PRDM2: variants seen among roughly 807,000 people sequenced by gnomAD.
PRDM2 encodes the protein PR/SET domain 2.
PRDM2 carries 30 observed loss-of-function variants against 130.0 expected under a neutral mutation model. That is an observed-to-expected ratio of 0.23 (90% CI 0.17 to 0.31). The LOEUF (loss-of-function observed/expected upper bound fraction) is 0.31. Ranked by LOEUF, PRDM2 falls within the 10% of genes least tolerant of loss-of-function variation. The pLI is 1.00. For synonymous variants in PRDM2, 871 were observed against 782.4 expected (o/e 1.11, Z -1.89); for missense variants, 2,011 against 2,108.4 (o/e 0.95, Z 0.90).
intron 8 of PRDM2, among the ~76,000 whole-genome samples, chr1:13,791,114 G>GTT (rs3215495): frequency 1.4e-5 from 2 of 145,624 alleles, no homozygotes; most frequent in South Asian, 2.2e-4. Context: ...TATAGGTAGG[G>GTT]TTTTTTTTTT....
Position 13,749,345 on chromosome 1 carries a change from T to C in PRDM2, c.385-16T>C. The C allele has an allele frequency of 6.8e-7, 1 of 1,472,516 alleles. No homozygotes were observed. The allele number at this position is 1,472,516 out of a possible 1,614,324, so 91.2% of individuals were successfully genotyped here. On this transcript the variant is annotated splice_polypyrimidine_tract_variant and intron_variant, in intron 5 of 9. Coordinates refer to ENST00000311066, the MANE Select transcript of PRDM2 (RefSeq NM_001393986.1). Reference sequence around the variant, plus strand: ...CGCTCTGATTGGCCCGGCGCTTGTCTCTTCTCTCCCCGCAGCCAATCGCGC... The same window carrying C: ...CGCTCTGATTGGCCCGGCGCTTGTCCCTTCTCTCCCCGCAGCCAATCGCGC...
At chr1:13,728,349 T>C (rs1388922788) in intron 2 of PRDM2, among the ~76,000 whole-genome samples, 1 of 152,206 alleles carries the variant, frequency 6.6e-6, no homozygotes, top group Non-Finnish European at 1.5e-5. Flanking sequence ...TGGTAAGAGC[T>C]GTGAAGGAGA....
At chr1:13,778,313 A>C in intron 7 of PRDM2, 105 bp from the exon 8 acceptor site, 1 of 1,164,458 alleles carries the variant, frequency 8.6e-7, no homozygotes, top group Non-Finnish European at 1.2e-6. Flanking sequence ...CATCTCCCTT[A>C]TGTTTTAGGT....
intron 4 of PRDM2, among the ~76,000 whole-genome samples, chr1:13,733,496 C>G (rs1464972785): frequency 1.3e-5 from 2 of 152,168 alleles, no homozygotes; most frequent in Non-Finnish European, 2.9e-5. Context: ...CCTGTAGATG[C>G]AGAACTAGAA....
intron 8 of PRDM2, among the ~76,000 whole-genome samples, chr1:13,800,853 C>T (rs142428640): frequency 1.7e-4 from 26 of 152,292 alleles, no homozygotes; most frequent in African/African-American, 6.3e-4. Context: ...TGAGCTCCTG[C>T]TCTGTTCCAG....
intron 2 of PRDM2, among the ~76,000 whole-genome samples, chr1:13,727,372 AG>A (rs1281170068): frequency 6.6e-6 from 1 of 151,900 alleles, no homozygotes; most frequent in African/African-American, 2.4e-5. Context: ...CTCTTGCTTC[AG>A]CCTCCTGAGT....
intron 1 of PRDM2, among the ~76,000 whole-genome samples, chr1:13,702,633 A>G (rs1642103114): frequency 6.6e-6 from 1 of 152,032 alleles, no homozygotes; most frequent in African/African-American, 2.4e-5. Flanking sequence ...TTAGATGTTT[A>G]TTTATTCATG....
At position 13,781,368 on chromosome 1, in the gene PRDM2, T is replaced by C; in HGVS notation, c.3573T>C (p.Phe1191=). The C allele has an allele frequency of 6.2e-7, 1 of 1,614,198 alleles. No homozygotes were observed. The change falls in exon 8 of 10, where the codon TTT becomes TTC. Residue 1191 remains phenylalanine, a synonymous_variant. Coordinates refer to ENST00000311066, the MANE Select transcript of PRDM2 (RefSeq NM_001393986.1). The surrounding 1 kb of genome is among the most constrained non-coding windows in gnomAD (Gnocchi z 6.1). ...RFLLHGVGNI[F]VCSVCKKEFA... The stretch of plus-strand genomic sequence containing the variant: ...TGCTTCATGGAGTTGGGAATATCTT[T>C]GTGTGTTCTGTTTGTAAAAAAGAAT...
chr1:13,813,706 T>C (rs1484741576), intron 8 of PRDM2, among the ~76,000 whole-genome samples: 1 of 152,080 alleles, frequency 6.6e-6, no homozygotes, highest in Admixed American at 6.5e-5. Flanking sequence ...GGCCAGGCAG[T>C]GGATGAGGGG....
chr1:13,748,027 C>T (rs1314141177), intron 5 of PRDM2, among the ~76,000 whole-genome samples: 1 of 152,126 alleles, frequency 6.6e-6, no homozygotes, highest in Non-Finnish European at 1.5e-5. Context: ...GTTTTGAGAA[C>T]TGGTTGGTTA....
intron 5 of PRDM2, among the ~76,000 whole-genome samples, chr1:13,749,124 G>A (rs1643711736): frequency 6.6e-6 from 1 of 152,030 alleles, no homozygotes; most frequent in Non-Finnish European, 1.5e-5. Flanking sequence ...CCCGTCACCG[G>A]GCCTTCCGCG....
At chr1:13,772,707 C>T (rs954107970) in intron 6 of PRDM2, among the ~76,000 whole-genome samples, 1 of 152,156 alleles carries the variant, frequency 6.6e-6, no homozygotes, top group African/African-American at 2.4e-5. Flanking sequence ...AATAGCCAAT[C>T]CCTATTAGCT....
At position 13,816,460 on chromosome 1, in the gene PRDM2, A is replaced by T; in HGVS notation, c.5070A>T (p.Pro1690=). 1 of 1,614,020 alleles carries T rather than the reference A, an allele frequency of 6.2e-7. No homozygotes were observed. Among genetic ancestry groups the T allele is most frequent in the Non-Finnish European group, 8.5e-7 (1 of 1,180,004 alleles). The change falls in exon 9 of 10, where the codon CCA becomes CCT. Residue 1690 remains proline, a synonymous_variant. Coordinates refer to ENST00000311066, the MANE Select transcript of PRDM2 (RefSeq NM_001393986.1). ...YSLRLASRCS[P]PAAPYITRQY... is the part of the protein sequence containing the mutation. Reference sequence around the variant, plus strand: ...TCCGCTTGGCGTCCCGATGCTCTCCACCAGCGGCCCCGTACATCACCAGGC... The same window carrying T: ...TCCGCTTGGCGTCCCGATGCTCTCCTCCAGCGGCCCCGTACATCACCAGGC...
chr1:13,763,507 G>A (rs903512130), intron 6 of PRDM2, among the ~76,000 whole-genome samples: 1 of 152,198 alleles, frequency 6.6e-6, no homozygotes, highest in Admixed American at 6.5e-5. Context: ...TTTCCTGAAC[G>A]GTTTTCCTGA....
At chr1:13,799,171 C>T (rs1570081556) in intron 8 of PRDM2, among the ~76,000 whole-genome samples, 1 of 152,154 alleles carries the variant, frequency 6.6e-6, no homozygotes, top group Non-Finnish European at 1.5e-5. Flanking sequence ...AGGCCGGGCG[C>T]GGTGGCTCAC....
intron 5 of PRDM2, among the ~76,000 whole-genome samples, chr1:13,742,797 T>A (rs1643486868): frequency 6.6e-6 from 1 of 152,164 alleles, no homozygotes; most frequent in Non-Finnish European, 1.5e-5. Context: ...TATCAGTAGG[T>A]ATGGTGGGTC....
chr1:13,715,880 T>A (rs1642517256), intron 2 of PRDM2, among the ~76,000 whole-genome samples: 1 of 152,216 alleles, frequency 6.6e-6, no homozygotes, highest in Non-Finnish European at 1.5e-5. Flanking sequence ...CTTTTTGACC[T>A]CTCCCTTGCC....
intron 1 of PRDM2, among the ~76,000 whole-genome samples, chr1:13,711,091 A>G (rs1642356713): frequency 6.6e-6 from 1 of 152,062 alleles, no homozygotes; most frequent in African/African-American, 2.4e-5. Flanking sequence ...TCTCAAAAAA[A>G]AAAAAAAAAG....
In PRDM2 at chr1:13,786,736, G is replaced by A. The variant is rs1312348237; in HGVS notation, c.5036+3905G>A. On this transcript the variant is annotated intron_variant, in intron 8 of 9. Transcript: ENST00000311066. ...TGGGGGCCCAACGCGCATGCTGGGCGCCCGGGTGATTGAGATCCAAAGAGA... is the reference window on the plus strand; with the variant it reads ...TGGGGGCCCAACGCGCATGCTGGGCACCCGGGTGATTGAGATCCAAAGAGA... 38 of 1,408,736 alleles carry A rather than the reference G, an allele frequency of 2.7e-5. No homozygotes were observed. In the South Asian group the frequency reaches 3.0e-4, roughly 11 times the overall value. The allele number at this position is 1,408,736 out of a possible 1,614,324, so 87.3% of individuals were successfully genotyped here.
Sources: gnomAD v4.1 joint callset for allele counts (sites outside exome capture counted in the v4.1 genomes callset) on GRCh38, gnomAD v4.1.1 for gene constraint, Gnocchi (gnomAD v3.1) non-coding constraint, MANE v1.5 for transcripts, NCBI Gene and HGNC (gene_info 2026-07-23, HGNC 2026-07-21) for gene names.